Variants in CAMK2G observed in about 807,000 individuals in gnomAD.
CAMK2G encodes calcium/calmodulin-dependent protein kinase type II subunit gamma.
A neutral mutation model predicts 88.7 loss-of-function variants in CAMK2G; 23 were observed. That is an observed-to-expected ratio of 0.26 (90% CI 0.19 to 0.37). CAMK2G has a LOEUF of 0.37. CAMK2G is among the 10% of genes least tolerant of loss of function. The pLI, the probability that CAMK2G is intolerant of heterozygous loss-of-function variation, is 1.00. For missense variants in CAMK2G, 476 were observed against 780.8 expected, an observed-to-expected ratio of 0.61 and a Z score of 4.65; for synonymous variants, 263 against 294.8, an observed-to-expected ratio of 0.89 and a Z score of 1.11.
In CAMK2G at chr10:73,874,453, GGT is replaced by G; in HGVS notation, c.7_8del (p.Thr3HisfsTer58). 6.6e-7 allele frequency: 1 copy of G among 1,521,446 alleles called. No homozygotes were observed. The highest frequency in any genetic ancestry group is 8.9e-7 in the Non-Finnish European group (1 of 1,125,830). 94.2% of individuals were successfully genotyped at this position (1,521,446 alleles called of 1,614,324 possible). MATTATCTRFTDD... is the reference protein window; with the variant it reads MAXTATCTRFTDD... ...CGGTGAAACGGGTGCAGGTGGCGGT[GGT>G]GGCCATGCTGGCGGGCGGGCGGACG... On this transcript the variant is annotated frameshift_variant, in exon 1 of 23. Coordinates refer to ENST00000423381, the MANE Select transcript of CAMK2G (RefSeq NM_001367534.1). LOFTEE classifies it high-confidence loss of function.
Position 73,815,894 on chromosome 10 carries a change from G to C in CAMK2G, c.1535-647C>G, listed in dbSNP as rs1001005608. On this transcript the variant is annotated intron_variant, in intron 21 of 22. Transcript: ENST00000423381. ...CTGTGAAAACTGTGTTGCTTTTATTGAGATTCACATTTTAGTTCAATTCAA... is the reference window on the plus strand; with the variant it reads ...CTGTGAAAACTGTGTTGCTTTTATTCAGATTCACATTTTAGTTCAATTCAA... 8.1e-6 allele frequency: 8 copies of C among 985,044 alleles called. No homozygotes were observed. The Admixed American group carries it at 2.5e-4, about 30-fold the overall frequency. The allele number at this position is 985,044 out of a possible 1,614,324, so 61.0% of individuals were successfully genotyped here.
chr10:73,824,742 C>T (rs1435977967), intron 16 of CAMK2G, among the ~76,000 whole-genome samples: 2 of 152,310 alleles, frequency 1.3e-5, no homozygotes, highest in East Asian at 3.9e-4. Context: ...CCTCCAAGAG[C>T]ACACAGAACC....
At chr10:73,814,753 G>C in intron 22 of CAMK2G, 2 of 496,204 alleles carry the variant, frequency 4.0e-6, no homozygotes, top group East Asian at 6.4e-5. Flanking sequence ...GCCTTTCTTT[G>C]ACAGCTAAGG....
intron 14 of CAMK2G, among the ~76,000 whole-genome samples, chr10:73,830,308 C>G (rs557040394): frequency 2.1e-4 from 32 of 152,244 alleles, no homozygotes; most frequent in Admixed American, 9.2e-4. Flanking sequence ...AGGTCTTGCT[C>G]TATTGCCCGG....
Position 73,821,671 on chromosome 10 carries a change from C to T in CAMK2G, c.1249+11G>A, listed in dbSNP as rs772709641. ...GCTGGAGTCCTTCCCCCTCCAAGGG[C>T]CAGCACCTACCTTTGAGGTCCTCAT... On this transcript the variant is annotated intron_variant, in intron 18 of 22. Coordinates refer to ENST00000423381, the MANE Select transcript of CAMK2G (RefSeq NM_001367534.1). 1 of 1,607,132 alleles carries T rather than the reference C, an allele frequency of 6.2e-7. No individual in the cohort carries two copies. Among genetic ancestry groups the T allele is most frequent in the Non-Finnish European group, 8.5e-7 (1 of 1,176,032 alleles).
intron 3 of CAMK2G, among the ~76,000 whole-genome samples, chr10:73,856,126 C>T (rs112358455): frequency 0.018 from 2,791 of 152,128 alleles, 83 homozygotes; most frequent in African/African-American, 0.063. Context: ...TTGAGCTGTC[C>T]GTGTGCCGGC....
At chr10:73,822,117 A>G (rs148869348) in intron 17 of CAMK2G, among the ~76,000 whole-genome samples, 2 of 152,318 alleles carry the variant, frequency 1.3e-5, no homozygotes, top group African/African-American at 4.8e-5. Flanking sequence ...TCACACCTGA[A>G]CCATGATAAC....
At chr10:73,870,082 T>C (rs1282429020) in intron 2 of CAMK2G, among the ~76,000 whole-genome samples, 1 of 152,144 alleles carries the variant, frequency 6.6e-6, no homozygotes, top group Non-Finnish European at 1.5e-5. Flanking sequence ...TGAATAAAGA[T>C]AAGAAGGGAA....
chr10:73,873,234 C>T (rs1676926193), intron 1 of CAMK2G, 151 bp from the exon 2 acceptor site: 2 of 1,021,082 alleles, frequency 2.0e-6, no homozygotes, highest in Admixed American at 4.2e-5. Context: ...CCACCACCAT[C>T]CAACATGAGG....
Position 73,821,742 on chromosome 10 carries a change from A to T in CAMK2G, c.1201-12T>A, listed in dbSNP as rs1219901504. On this transcript the variant is annotated splice_polypyrimidine_tract_variant and intron_variant, in intron 17 of 22. Coordinates refer to ENST00000423381, the MANE Select transcript of CAMK2G (RefSeq NM_001367534.1). ...CTCTCTGTGGAGCCCTGTAGGCCAA[A>T]AAGAACATGTTTCTATATGCTCCAT... is the stretch of plus-strand genomic sequence containing the variant. The T allele has an allele frequency of 6.2e-7, 1 of 1,608,486 alleles. No individual in the cohort carries two copies. Among genetic ancestry groups the T allele is most frequent in the Non-Finnish European group, 8.5e-7 (1 of 1,176,566 alleles).
Position 73,842,487 on chromosome 10 carries a change from G to T in CAMK2G, c.874C>A (p.Arg292Ser). ...AGTTTTCTCCGGGCATTGAACTTGC[G>T]CAAACACTCCACAGTCTCCTGACGA... ...MHRQETVECLRKFNARRKLKG... is the reference protein window; with the variant it reads ...MHRQETVECLSKFNARRKLKG... The change falls in exon 11 of 23, where the codon CGC (arginine) becomes AGC (serine). Residue 292 changes from arginine to serine, a missense_variant. Arg to Ser is a moderately radical substitution (Grantham distance 110). This residue lies in a region of CAMK2G where 164 missense variants were observed against 385.6 expected (regional missense o/e 0.43). Transcript: ENST00000423381. This position sits in a 1 kb window ranked among gnomAD's most constrained non-coding sequence, Gnocchi z 4.6. The T allele has an allele frequency of 6.2e-7, 1 of 1,613,710 alleles. No individual in the cohort carries two copies. Among genetic ancestry groups the T allele is most frequent in the Non-Finnish European group, 8.5e-7 (1 of 1,179,606 alleles).
intron 18 of CAMK2G, 146 bp downstream of exon 18, chr10:73,821,536 G>A (rs2088761670): frequency 1.6e-6 from 1 of 642,324 alleles, no homozygotes; most frequent in African/African-American, 1.8e-5. Context: ...TTGGCTCGTG[G>A]AAAGTAGCTT....
chr10:73,862,787 C>G (rs1302938214), intron 2 of CAMK2G, among the ~76,000 whole-genome samples: 2 of 152,192 alleles, frequency 1.3e-5, no homozygotes, highest in Admixed American at 6.5e-5. Context: ...CCTGAATTAT[C>G]CAGGCCCGGG....
intron 2 of CAMK2G, among the ~76,000 whole-genome samples, chr10:73,866,886 G>A (rs1041874457): frequency 6.6e-6 from 1 of 152,188 alleles, no homozygotes; most frequent in Admixed American, 6.5e-5. Context: ...TGACCAGTGG[G>A]AATCCCAAGC....
chr10:73,817,275 C>T (rs2133132725), intron 20 of CAMK2G, among the ~76,000 whole-genome samples, 158 bp from the exon 21 acceptor site: 1 of 152,304 alleles, frequency 6.6e-6, no homozygotes, highest in African/African-American at 2.4e-5. Context: ...GCCACTCAGC[C>T]CTGTGCTTTC....
intron 3 of CAMK2G, among the ~76,000 whole-genome samples, chr10:73,854,080 T>C (rs2094844286): frequency 6.6e-6 from 1 of 152,188 alleles, no homozygotes; most frequent in Non-Finnish European, 1.5e-5. Flanking sequence ...GTGAATCCAG[T>C]GCTACCTGAC....
chr10:73,870,803 T>C (rs1185127847), intron 2 of CAMK2G, among the ~76,000 whole-genome samples: 1 of 151,846 alleles, frequency 6.6e-6, no homozygotes, highest in East Asian at 1.9e-4. Context: ...AAACTGAGAG[T>C]CTGCAGGGAA....
intron 4 of CAMK2G, chr10:73,852,817 T>A: frequency 3.7e-6 from 1 of 269,040 alleles, no homozygotes; most frequent in Admixed American, 5.0e-5. Context: ...CCCAATCCAA[T>A]GGAGCCTGGT....
At chr10:73,837,953 TCA>T (rs2093412094) in intron 13 of CAMK2G, among the ~76,000 whole-genome samples, 2 of 152,224 alleles carry the variant, frequency 1.3e-5, no homozygotes, top group Middle Eastern at 3.4e-3. Flanking sequence ...AAGCAGAGTG[TCA>T]CAGTTCACAC....
Sources: allele counts gnomAD v4.1 joint callset (sites outside exome capture counted in the v4.1 genomes callset), GRCh38; gene constraint gnomAD v4.1.1; regional missense constraint gnomAD v4.1.1; non-coding constraint Gnocchi (gnomAD v3.1); transcripts MANE v1.5; gene names NCBI Gene and HGNC (gene_info 2026-07-23, HGNC 2026-07-21).